The following LPP variants were observed in gnomAD, a reference collection of about 807,000 sequenced individuals.
LPP encodes the protein lipoma-preferred partner.
In LPP, 38 loss-of-function variants were observed where a neutral mutation model predicts 60.4. The observed-to-expected ratio is 0.63, with a 90% CI of 0.49 to 0.83. The LOEUF (loss-of-function observed/expected upper bound fraction) is 0.83. Ranked by LOEUF, LPP falls within the 40% of genes least tolerant of loss-of-function variation. LPP has a pLI of 0.00. For synonymous variants in LPP, 328 were observed against 290.8 expected, an observed-to-expected ratio of 1.13 and a Z score of -1.30; for missense variants, 902 against 783.6, an observed-to-expected ratio of 1.15 and a Z score of -1.80.
intron 6 of LPP, among the ~76,000 whole-genome samples, chr3:188,589,981 A>T (rs1838316529): frequency 6.6e-6 from 1 of 152,136 alleles, no homozygotes; most frequent in African/African-American, 2.4e-5. Flanking sequence ...CATTGTTGTC[A>T]TGTCTAATTT....
In LPP at chr3:188,407,780, G is replaced by GTTTTTTTTTTTTTTT. The variant is rs1268002703; in HGVS notation, c.193+1470_193+1471insTTTTTTTTTTTTTTT. ...TTCCTCATTTATGGTTTTTTTTTTT[G>GTTTTTTTTTTTTTTT]TTTGTTTGTTTTTTTTTTTTTTTTT... On this transcript the variant is annotated intron_variant, in intron 4 of 11. Transcript: ENST00000617246. Among the ~76,000 whole-genome samples, 2 of 94,886 alleles carry GTTTTTTTTTTTTTTT rather than the reference G, an allele frequency of 2.1e-5. 1 individual carries two copies. The highest frequency in any genetic ancestry group is 8.4e-5 in the African/African-American group (2 of 23,690). 62.2% of individuals were successfully genotyped at this position (94,886 alleles called of 152,430 possible). A position where few individuals can be genotyped will look rare whatever the true frequency, so the allele number is the denominator to read the frequency against.
intron 9 of LPP, among the ~76,000 whole-genome samples, chr3:188,843,733 G>C (rs1760696529): frequency 7.3e-6 from 1 of 136,748 alleles, no homozygotes. Context: ...CTTGCAGGGA[G>C]CCGAGATCGC....
Position 188,441,245 on chromosome 3 carries a change from G to A in LPP, c.193+34932G>A, listed in dbSNP as rs908338931. Among the ~76,000 whole-genome samples, 3 of 152,010 alleles carry A rather than the reference G, an allele frequency of 2.0e-5. No homozygotes were observed. The East Asian group carries it at 5.8e-4, about 29-fold the overall frequency. ...AACAACTAGTGTGTTCTAGATCAAG[G>A]ACTGATTCCAGATTCTCAAAGTCCT... On this transcript the variant is annotated intron_variant, in intron 4 of 11. Transcript: ENST00000617246.
rs199877280 is a variant in LPP at position 188,609,867 on chromosome 3, G to A, written c.1113+23G>A. ...AAGGTAAGAAACTCAGTAACATAAG[G>A]AGGAGAATACAGGGGTGCCTATCTT... On this transcript the variant is annotated intron_variant, in intron 7 of 11. Transcript: ENST00000617246. The surrounding 1 kb of genome is among the most constrained non-coding windows in gnomAD (Gnocchi z 6.9). 1.4e-4 allele frequency: 223 copies of A among 1,591,678 alleles called. No homozygotes were observed. In the African/African-American group the frequency reaches 2.9e-3, roughly 20 times the overall value.
At chr3:188,650,447 A>G (rs1851865053) in intron 7 of LPP, among the ~76,000 whole-genome samples, 1 of 152,262 alleles carries the variant, frequency 6.6e-6, no homozygotes, top group East Asian at 1.9e-4. Flanking sequence ...ATCATGAGAC[A>G]TTGTTTCTAA....
intron 2 of LPP, among the ~76,000 whole-genome samples, chr3:188,255,915 C>T (rs149037194): frequency 9.2e-5 from 14 of 152,040 alleles, no homozygotes; most frequent in Non-Finnish European, 1.6e-4. Flanking sequence ...TGCATTGATG[C>T]GAACATCACA....
Position 188,368,710 on chromosome 3 carries a change from A to T in LPP, c.-10+26991A>T, listed in dbSNP as rs1486693178. Reference sequence around the variant, plus strand: ...CACACACACACACACACACACACACACACACACACAGAGAGAGAGAGAGAG... The same window carrying T: ...CACACACACACACACACACACACACTCACACACACAGAGAGAGAGAGAGAG... On this transcript the variant is annotated intron_variant, in intron 3 of 11. Transcript: ENST00000617246. Among the ~76,000 whole-genome samples, 30 of 123,350 alleles carry T rather than the reference A, an allele frequency of 2.4e-4. No homozygotes were observed. In the Admixed American group the frequency reaches 3.0e-3, roughly 12 times the overall value. 80.9% of individuals were successfully genotyped at this position (123,350 alleles called of 152,430 possible). A position where few individuals can be genotyped will look rare whatever the true frequency, so the allele number is the denominator to read the frequency against.
chr3:188,283,212 C>T (rs1742712335), intron 2 of LPP, among the ~76,000 whole-genome samples: 1 of 152,184 alleles, frequency 6.6e-6, no homozygotes, highest in African/African-American at 2.4e-5. Flanking sequence ...CTCTCAACTT[C>T]TTAGAGTGTC....
chr3:188,661,570 G>C (rs1239412009), intron 7 of LPP, among the ~76,000 whole-genome samples: 2 of 152,056 alleles, frequency 1.3e-5, no homozygotes, highest in Admixed American at 6.6e-5. Context: ...TTGCTTATTT[G>C]CCATCTGTAT....
chr3:188,443,349 GA>G (rs1169469252), intron 4 of LPP, among the ~76,000 whole-genome samples: 8 of 152,330 alleles, frequency 5.3e-5, no homozygotes, highest in South Asian at 2.1e-4. Context: ...ATTCTAGAGT[GA>G]AAAGGTATTG....
At chr3:188,299,971 T>G (rs147162272) in intron 2 of LPP, among the ~76,000 whole-genome samples, 65 of 152,286 alleles carry the variant, frequency 4.3e-4, no homozygotes, top group Non-Finnish European at 8.8e-4. Context: ...AACAGAAAAA[T>G]ACCTTCCTAT....
chr3:188,704,497 C>T (rs1189001174), intron 7 of LPP, among the ~76,000 whole-genome samples: 1 of 152,120 alleles, frequency 6.6e-6, no homozygotes, highest in Non-Finnish European at 1.5e-5. Flanking sequence ...CTTAATGATA[C>T]TGCCGTATAA....
intron 2 of LPP, among the ~76,000 whole-genome samples, chr3:188,276,890 TTTTC>T (rs1365614117): frequency 0.028 from 2,122 of 75,104 alleles, 88 homozygotes; most frequent in Non-Finnish European, 0.036. Context: ...ACTTCTTTTC[TTTTC>T]TTTTTTTTTT....
chr3:188,605,337 G>T (rs924581343), intron 6 of LPP, among the ~76,000 whole-genome samples: 5 of 152,106 alleles, frequency 3.3e-5, no homozygotes, highest in Non-Finnish European at 5.9e-5. Flanking sequence ...AGGAGCAACA[G>T]GATTTAGTTC....
intron 8 of LPP, among the ~76,000 whole-genome samples, chr3:188,753,527 C>G (rs1336173069): frequency 2.0e-5 from 3 of 151,758 alleles, no homozygotes; most frequent in Admixed American, 1.3e-4. Context: ...CCTTTATCCA[C>G]TCATTCCTGA....
At chr3:188,185,343 A>G (rs1169357407) in intron 1 of LPP, among the ~76,000 whole-genome samples, 2 of 152,126 alleles carry the variant, frequency 1.3e-5, no homozygotes, top group African/African-American at 4.8e-5. Flanking sequence ...TGAGTCCAGT[A>G]AATGCAAGTC....
At chr3:188,413,344 T>C (rs1578710806) in intron 4 of LPP, among the ~76,000 whole-genome samples, 2 of 152,132 alleles carry the variant, frequency 1.3e-5, no homozygotes, top group Non-Finnish European at 2.9e-5. Flanking sequence ...TTTTGGAGGT[T>C]ACAAATGGGA....
chr3:188,182,190 T>C lies in LPP; in HGVS notation c.-190+27938T>C, dbSNP rs960075489. 7.9e-5 allele frequency among the ~76,000 whole-genome samples: 12 copies of C among 152,216 alleles called. No homozygotes were observed. On this transcript the variant is annotated intron_variant, in intron 1 of 11. Transcript: ENST00000617246. This position sits in a 1 kb window ranked among gnomAD's most constrained non-coding sequence, Gnocchi z 4.4. ...ACGATTGCCTTAGGCTGCAAGTTTA[T>C]CCCTTCACAATGCCTACATTTAGAT...
rs1553936328 is a variant in LPP at position 188,592,553 on chromosome 3, T to TTTTTTTTTTGTTGTTG, written c.430-16605_430-16604insTTTTTTGTTGTTGTTT. Among the ~76,000 whole-genome samples the TTTTTTTTTTGTTGTTG allele has an allele frequency of 6.7e-3, 816 of 121,272 alleles. 71 individuals carry two copies. Among genetic ancestry groups the TTTTTTTTTTGTTGTTG allele is most frequent in the Middle Eastern group, 0.032 (7 of 218 alleles). 79.6% of individuals were successfully genotyped at this position (121,272 alleles called of 152,430 possible). A position where few individuals can be genotyped will look rare whatever the true frequency, so the allele number is the denominator to read the frequency against. The stretch of plus-strand genomic sequence containing the variant: ...TGAGTATCACTGTTTTTAGTTTTGT[T>TTTTTTTTTTGTTGTTG]TTTGTTTTTTAAATGGAGTCTCACT... On this transcript the variant is annotated intron_variant, in intron 6 of 11. Transcript: ENST00000617246.
Sources: allele counts gnomAD v4.1 joint callset (sites outside exome capture counted in the v4.1 genomes callset), GRCh38; gene constraint gnomAD v4.1.1; non-coding constraint Gnocchi (gnomAD v3.1); transcripts MANE v1.5; gene names NCBI Gene and HGNC (gene_info 2026-07-23, HGNC 2026-07-21).